OPTC: variants seen among roughly 807,000 people sequenced by gnomAD.
OPTC encodes opticin.
A neutral mutation model predicts 25.4 loss-of-function variants in OPTC; 22 were observed. The observed-to-expected ratio is 0.87, with a 90% CI of 0.62 to 1.24. The LOEUF is 1.24. Among genes scored for constraint, OPTC ranks in the 50% most tolerant of loss-of-function variants. The pLI is 0.00. For missense variants in OPTC, 417 were observed against 425.2 expected (o/e 0.98, Z 0.17); for synonymous variants, 169 against 179.3 (o/e 0.94, Z 0.46).
At chr1:203,496,683 C>T (rs576164951) in intron 2 of OPTC, among the ~76,000 whole-genome samples, 39 of 152,162 alleles carry the variant, frequency 2.6e-4, no homozygotes, top group Admixed American at 1.3e-3. Flanking sequence ...GGAAGAGTGC[C>T]GGCCTGGGAA....
At chr1:203,498,915 C>T (rs2102220695) in intron 4 of OPTC, 76 bp downstream of exon 4, 2 of 1,512,636 alleles carry the variant, frequency 1.3e-6, no homozygotes, top group Non-Finnish European at 1.8e-6. Context: ...GTCACCAACA[C>T]TGTGTTAGTG....
rs544428248 is a variant in OPTC at position 203,502,263 on chromosome 1, ACT to A, written c.733-650_733-649del. Among the ~76,000 whole-genome samples, 254 of 152,200 alleles carry A rather than the reference ACT, an allele frequency of 1.7e-3. 2 individuals are homozygous for A. Among genetic ancestry groups the A allele is most frequent in the African/African-American group, 5.5e-3 (228 of 41,526 alleles). Reference sequence around the variant, plus strand: ...TCTGAGAGCACGGTCCCATGCACACACTGTGTACCTCTCTGTGCCTGAGGTTC... The same window carrying A: ...TCTGAGAGCACGGTCCCATGCACACAGTGTACCTCTCTGTGCCTGAGGTTC... On this transcript the variant is annotated intron_variant, in intron 5 of 7. Coordinates refer to ENST00000367222, the MANE Select transcript of OPTC (RefSeq NM_014359.4).
intron 2 of OPTC, among the ~76,000 whole-genome samples, chr1:203,496,480 G>A (rs1350297083): frequency 6.6e-6 from 1 of 152,174 alleles, no homozygotes; most frequent in Non-Finnish European, 1.5e-5. Flanking sequence ...ATGTCTCACT[G>A]GGGGAGGGGT....
intron 1 of OPTC, among the ~76,000 whole-genome samples, chr1:203,495,100 T>G (rs1331785829): frequency 6.6e-6 from 1 of 152,204 alleles, no homozygotes; most frequent in Non-Finnish European, 1.5e-5. Context: ...AGAGACTAGG[T>G]GCTCCTAGGA....
chr1:203,508,233 G>GCC (rs1376494925), intron 7 of OPTC, among the ~76,000 whole-genome samples: 1 of 152,172 alleles, frequency 6.6e-6, no homozygotes, highest in East Asian at 1.9e-4. Flanking sequence ...GAGGATGGGT[G>GCC]CCCCTACCAC....
chr1:203,497,200 A>G (rs1373532774), intron 3 of OPTC, 85 bp downstream of exon 3: 2 of 1,515,290 alleles, frequency 1.3e-6, no homozygotes, highest in Admixed American at 3.6e-5. Context: ...CCAAAGTGGA[A>G]CGTGGTTGGG....
chr1:203,495,264 A>G (rs879448415), intron 1 of OPTC, among the ~76,000 whole-genome samples: 3 of 152,246 alleles, frequency 2.0e-5, no homozygotes, highest in Admixed American at 6.5e-5. Context: ...CACACCTGTA[A>G]TTCCAGCACT....
chr1:203,502,134 A>G (rs1661400526), intron 5 of OPTC, among the ~76,000 whole-genome samples: 1 of 152,232 alleles, frequency 6.6e-6, no homozygotes, highest in African/African-American at 2.4e-5. Context: ...TTAGATACGC[A>G]TAGTAGATGC....
intron 5 of OPTC, among the ~76,000 whole-genome samples, chr1:203,500,442 A>C: frequency 7.7e-6 from 1 of 129,288 alleles, no homozygotes; most frequent in African/African-American, 3.0e-5. Context: ...ACCCACCTCC[A>C]CTCCTACCAC....
chr1:203,496,267 C>CAGTGTCA, intron 2 of OPTC, 31 bp downstream of exon 2: 1 of 1,524,326 alleles, frequency 6.6e-7, no homozygotes. Context: ...ACTACATTCC[C>CAGTGTCA]TGCATGACAC....
In OPTC at chr1:203,503,675, C is replaced by T. The variant is rs371318607; in HGVS notation, c.954C>T (p.Ser318=). Residue 318 remains serine, a synonymous_variant, in exon 7 of 8, where the codon AGC becomes AGT. Coordinates refer to ENST00000367222, the MANE Select transcript of OPTC (RefSeq NM_014359.4). ...GNPINLSLFP[S]AYFCLPRLPI... ...CCATCAACCTCAGCCTCTTCCCCAG[C>T]GCCTACTTCTGCCTGCCTCGGCTCC... is the stretch of plus-strand genomic sequence containing the variant. 1.4e-5 allele frequency: 22 copies of T among 1,612,298 alleles called. No homozygotes were observed. The highest frequency in any genetic ancestry group is 1.6e-4 in the Middle Eastern group (1 of 6,084).
At chr1:203,496,282 A>G in intron 2 of OPTC, 46 bp downstream of exon 2, 2 of 1,421,468 alleles carry the variant, frequency 1.4e-6, no homozygotes, top group African/African-American at 2.8e-5. Context: ...TGACACTGGG[A>G]GTCAGAGGCC....
chr1:203,499,693 A>C lies in OPTC; in HGVS notation c.574A>C (p.Ile192Leu). The part of the protein sequence containing the change: ...IDLSNNLISS[I>L]DNDAFRLLHA... ...CCTCTCCAACAACCTCATTTCCTCC[A>C]TCGATAATGATGCCTTCCGCCTGCT... The change falls in exon 5 of 8, where the codon ATC becomes CTC. Residue 192 changes from isoleucine (I) to leucine (L), a missense_variant. By Grantham distance (5) the Ile-to-Leu change is conservative. Transcript: ENST00000367222. 6.2e-7 allele frequency: 1 copy of C among 1,613,484 alleles called. No individual in the cohort carries two copies. The highest frequency in any genetic ancestry group is 2.2e-5 in the East Asian group (1 of 44,848).
chr1:203,498,978 G>A, intron 4 of OPTC, 139 bp downstream of exon 4: 6 of 929,620 alleles, frequency 6.5e-6, no homozygotes, highest in Non-Finnish European at 1.0e-5. Context: ...GCTGTCAAAG[G>A]GAAATAGCCC....
intron 6 of OPTC, among the ~76,000 whole-genome samples, 165 bp downstream of exon 6, chr1:203,503,174 G>A (rs1661419062): frequency 6.6e-6 from 1 of 152,176 alleles, no homozygotes; most frequent in Non-Finnish European, 1.5e-5. Context: ...TGTCTAAATA[G>A]TTGTCCATGA....
In OPTC at chr1:203,499,737, C is replaced by A; in HGVS notation, c.618C>A (p.Leu206=). ...AFRLLHALQD[L]ILPENQLEAL... ...GCCTGCTACATGCCCTCCAGGACCT[C>A]ATCCTCCCAGAGAACCAGTTGGAAG... Residue 206 remains leucine (L), a synonymous_variant, in exon 5 of 8, where the codon CTC becomes CTA. Transcript: ENST00000367222. 1 of 1,613,414 alleles carries A rather than the reference C, an allele frequency of 6.2e-7. No homozygotes were observed. The highest frequency in any genetic ancestry group is 8.5e-7 in the Non-Finnish European group (1 of 1,179,926).
Position 203,502,980 on chromosome 1 carries a change from C to A in OPTC, c.799C>A (p.Pro267Thr), listed in dbSNP as rs760845339. 6.2e-6 allele frequency: 10 copies of A among 1,613,774 alleles called. No homozygotes were observed. The South Asian group carries it at 1.1e-4, about 18-fold the overall frequency. The stretch of plus-strand genomic sequence containing the variant: ...GCTGGATTCTATCCCGGGGCCTTTG[C>A]CCCTGAGCCTGCGCTCTGTACACCT... ...NLLDSIPGPL[P>T]LSLRSVHLQN... The change falls in exon 6 of 8, where the codon CCC becomes ACC. Residue 267 changes from proline (P) to threonine (T), a missense_variant. Coordinates refer to ENST00000367222, the MANE Select transcript of OPTC (RefSeq NM_014359.4).
At chr1:203,505,205 C>A (rs1661459378) in intron 7 of OPTC, among the ~76,000 whole-genome samples, 1 of 152,214 alleles carries the variant, frequency 6.6e-6, no homozygotes, top group South Asian at 2.1e-4. Context: ...AAACATATTC[C>A]TTTTCCTCAG....
chr1:203,494,902 GCA>G (rs1447552960), intron 1 of OPTC, among the ~76,000 whole-genome samples: 1 of 151,980 alleles, frequency 6.6e-6, no homozygotes, highest in Non-Finnish European at 1.5e-5. Context: ...GCATCTGTGT[GCA>G]CACACACACA....
Sources: allele counts gnomAD v4.1 joint callset (sites outside exome capture counted in the v4.1 genomes callset), GRCh38; gene constraint gnomAD v4.1.1; transcripts MANE v1.5; gene names NCBI Gene and HGNC (gene_info 2026-07-23, HGNC 2026-07-21).